The following RTL4 variants were observed in gnomAD, a reference collection of about 807,000 sequenced individuals.
The protein encoded by RTL4 is retrotransposon Gag like 4.
A neutral mutation model predicts 5.3 loss-of-function variants in RTL4; 4 were observed. The ratio of observed to expected loss-of-function variants is 0.75; its 90% CI spans 0.37 to 1.72. The LOEUF (loss-of-function observed/expected upper bound fraction) is 1.72, where lower values mean the gene tolerates loss of function less well. Among genes scored for constraint, RTL4 ranks in the 40% most tolerant of loss-of-function variants. The probability of loss-of-function intolerance (pLI) is 0.04; values close to 1 mark genes in which losing one functional copy is unlikely to be tolerated. For missense variants in RTL4, 260 were observed against 227.1 expected, an observed-to-expected ratio of 1.14 and a Z score of -0.93; for synonymous variants, 98 against 87.3, an observed-to-expected ratio of 1.12 and a Z score of -0.68.
the RTL4 span, among the ~76,000 whole-genome samples, chrX:112,241,789 G>T: frequency 1.5e-3 from 165 of 111,704 alleles, no homozygotes; most frequent in African/African-American, 5.1e-3. Context: ...GTCCTGAATG[G>T]TATTGCCTAG....
At chrX:112,267,865 A>T in the RTL4 span, among the ~76,000 whole-genome samples, 1 of 110,993 alleles carries the variant, frequency 9.0e-6, no homozygotes, top group African/African-American at 3.3e-5. Flanking sequence ...TCCAAAATTC[A>T]ACTATTTCTC....
chrX:112,230,070 A>G, the RTL4 span, among the ~76,000 whole-genome samples: 1 of 112,290 alleles, frequency 8.9e-6, no homozygotes, highest in Non-Finnish European at 1.9e-5. Context: ...AGACAGGGAC[A>G]TTTAAGTCTG....
chrX:112,161,175 G>T, the RTL4 span, among the ~76,000 whole-genome samples: 1 of 111,381 alleles, frequency 9.0e-6, no homozygotes, highest in African/African-American at 3.3e-5. Flanking sequence ...ATACAATTAT[G>T]CTTTGTCAAT....
chrX:112,312,251 G>T, the RTL4 span, among the ~76,000 whole-genome samples: 1 of 111,062 alleles, frequency 9.0e-6, no homozygotes, highest in African/African-American at 3.3e-5. Flanking sequence ...TATGTAAAAT[G>T]AGGACAATCA....
At chrX:112,205,249 T>C in the RTL4 span, among the ~76,000 whole-genome samples, 1 of 111,060 alleles carries the variant, frequency 9.0e-6, no homozygotes, top group African/African-American at 3.3e-5. Flanking sequence ...TGAGGCTCTT[T>C]GGCAAAGGGA....
At chrX:112,210,734 G>A in the RTL4 span, among the ~76,000 whole-genome samples, 72 of 111,911 alleles carry the variant, frequency 6.4e-4, no homozygotes, top group Non-Finnish European at 1.2e-3. Context: ...ATGGGTTTTA[G>A]GGCATCCCGT....
chrX:112,226,889 A>T, the RTL4 span, among the ~76,000 whole-genome samples: 2,582 of 107,315 alleles, frequency 0.024, 111 homozygotes, highest in East Asian at 0.26. Context: ...TGAGCACTAT[A>T]CTCCAGCCTG....
At chrX:112,339,436 T>C in the RTL4 span, among the ~76,000 whole-genome samples, 150 of 111,608 alleles carry the variant, frequency 1.3e-3, 1 homozygote, top group Non-Finnish European at 2.4e-3. Context: ...ATTAGAGAAA[T>C]GGTTTAAAGG....
At chrX:112,268,202 A>G in the RTL4 span, among the ~76,000 whole-genome samples, 2 of 111,443 alleles carry the variant, frequency 1.8e-5, no homozygotes, top group Admixed American at 9.6e-5. Flanking sequence ...ACTTTGTTCT[A>G]ACCACATTGA....
chrX:112,404,798 G>A, the RTL4 span, among the ~76,000 whole-genome samples: 4 of 112,407 alleles, frequency 3.6e-5, no homozygotes, highest in African/African-American at 9.7e-5. Flanking sequence ...CTGATTTTCC[G>A]TGACATTTTT....
At chrX:112,299,699 C>T in the RTL4 span, among the ~76,000 whole-genome samples, 1 of 111,797 alleles carries the variant, frequency 8.9e-6, no homozygotes, top group Admixed American at 9.5e-5. Context: ...TGTAACGGGG[C>T]AGAGGTTGCC....
At chrX:112,456,090 G>A (rs1261623799) in exon 1 of RTL4, 4 of 281,859 alleles carry the variant, frequency 1.4e-5, no homozygotes, top group African/African-American at 1.2e-4. Flanking sequence ...TTATTGGTCT[G>A]TATCCTAGTT....
At chrX:112,236,573 C>T in the RTL4 span, among the ~76,000 whole-genome samples, 2 of 100,698 alleles carry the variant, frequency 2.0e-5, no homozygotes, top group Admixed American at 1.1e-4. Context: ...TATAGTCAAA[C>T]TAATAATAAA....
chrX:112,202,154 CT>C, the RTL4 span, among the ~76,000 whole-genome samples: 3 of 111,723 alleles, frequency 2.7e-5, no homozygotes, highest in African/African-American at 9.8e-5. Context: ...TCCGCAACCC[CT>C]GTCTATAACA....
At chrX:112,307,267 A>G in the RTL4 span, among the ~76,000 whole-genome samples, 6 of 110,163 alleles carry the variant, frequency 5.4e-5, no homozygotes, top group African/African-American at 2.0e-4. Flanking sequence ...TAGAACTCTT[A>G]TTGTGCCTAC....
the RTL4 span, among the ~76,000 whole-genome samples, chrX:112,140,786 T>A: frequency 8.9e-6 from 1 of 112,256 alleles, no homozygotes; most frequent in East Asian, 2.8e-4. Context: ...GTCTGTATAC[T>A]AACCCATTTT....
chrX:112,213,377 G>A, the RTL4 span, among the ~76,000 whole-genome samples: 7 of 112,491 alleles, frequency 6.2e-5, no homozygotes, highest in Non-Finnish European at 1.3e-4. Flanking sequence ...CCTATTGTAA[G>A]CATTCAGGAA....
chrX:112,230,398 A>T, the RTL4 span, among the ~76,000 whole-genome samples: 2 of 111,874 alleles, frequency 1.8e-5, no homozygotes, highest in Non-Finnish European at 3.8e-5. Context: ...TTAGGGTGGG[A>T]GTGACCCGAT....
chrX:112,302,923 C>A, the RTL4 span, among the ~76,000 whole-genome samples: 1 of 112,066 alleles, frequency 8.9e-6, no homozygotes, highest in African/African-American at 3.2e-5. Context: ...ATCAGAAATC[C>A]TCAGGTGAAA....
Sources: allele counts gnomAD v4.1 joint callset (sites outside exome capture counted in the v4.1 genomes callset), GRCh38; gene constraint gnomAD v4.1.1; transcripts MANE v1.5; gene names NCBI Gene and HGNC (gene_info 2026-07-23, HGNC 2026-07-21).